The following ZMYM1 variants were observed in gnomAD, a reference collection of about 807,000 sequenced individuals.
ZMYM1 encodes the protein zinc finger MYM-type containing 1, also known as zinc finger MYM-type protein 1.
ZMYM1 carries 39 observed loss-of-function variants against 60.0 expected under a neutral mutation model. The ratio of observed to expected loss-of-function variants is 0.65; its 90% CI spans 0.50 to 0.85. The LOEUF (loss-of-function observed/expected upper bound fraction) is 0.85. ZMYM1 is among the 40% of genes least tolerant of loss of function. ZMYM1 has a pLI of 0.00. For synonymous variants in ZMYM1, 413 were observed against 454.0 expected (o/e 0.91, Z 1.15); for missense variants, 1,171 against 1,309.5 (o/e 0.89, Z 1.63).
chr1:35,115,439 A>AT lies in ZMYM1; in HGVS notation c.*185dup, dbSNP rs1644235480. On this transcript the variant is annotated 3_prime_UTR_variant, in exon 10 of 10. Coordinates refer to ENST00000359858, the MANE Select transcript of ZMYM1 (RefSeq NM_024772.5). ...TTTCCTTAAATATCCCTCTAGAGGT[A>AT]TTTTTCCTAAGTGGTATTGTACGGT... 2 of 642,900 alleles carry AT rather than the reference A, an allele frequency of 3.1e-6. No individual in the cohort carries two copies. The highest frequency in any genetic ancestry group is 4.9e-6 in the Non-Finnish European group (2 of 407,412). 39.8% of individuals were successfully genotyped at this position (642,900 alleles called of 1,614,324 possible).
At chr1:35,103,564 A>C (rs1643766059) in intron 4 of ZMYM1, among the ~76,000 whole-genome samples, 1 of 152,236 alleles carries the variant, frequency 6.6e-6, no homozygotes, top group Non-Finnish European at 1.5e-5. Flanking sequence ...CTTACTGATG[A>C]ACATTTGGGC....
Position 35,115,515 on chromosome 1 carries a change from T to A in ZMYM1, c.*256T>A. 1 of 238,448 alleles carries A rather than the reference T, an allele frequency of 4.2e-6. No homozygotes were observed. 14.8% of individuals were successfully genotyped at this position (238,448 alleles called of 1,614,324 possible). A position where few individuals can be genotyped will look rare whatever the true frequency, so the allele number is the denominator to read the frequency against. On this transcript the variant is annotated 3_prime_UTR_variant, in exon 10 of 10. Transcript: ENST00000359858. ...TCTGTGTAACATATTTTTGAGATTG[T>A]CCCATGTCGTTACATGAAGAGTTTC...
chr1:35,085,709 T>C (rs1180065987), intron 1 of ZMYM1, among the ~76,000 whole-genome samples: 1 of 152,212 alleles, frequency 6.6e-6, no homozygotes, highest in Non-Finnish European at 1.5e-5. Flanking sequence ...TTCTTGCCTT[T>C]GGTGTGGCAC....
intron 6 of ZMYM1, among the ~76,000 whole-genome samples, chr1:35,108,695 G>A (rs1474418744): frequency 1.3e-5 from 2 of 148,594 alleles, no homozygotes; most frequent in East Asian, 1.9e-4. Context: ...TTGTTCCATC[G>A]GTGATTTTTT....
intron 1 of ZMYM1, among the ~76,000 whole-genome samples, chr1:35,079,864 C>T (rs959640946): frequency 6.6e-6 from 1 of 152,218 alleles, no homozygotes; most frequent in African/African-American, 2.4e-5. Context: ...GTAATCCCGA[C>T]ACTTTGGGAG....
intron 1 of ZMYM1, among the ~76,000 whole-genome samples, chr1:35,092,060 G>A (rs1482397820): frequency 1.3e-5 from 2 of 151,302 alleles, no homozygotes; most frequent in African/African-American, 2.4e-5. Flanking sequence ...AGAGTAGCTG[G>A]GATTACAGGC....
chr1:35,075,002 A>G (rs1231146481), upstream of ZMYM1, among the ~76,000 whole-genome samples: 1 of 151,776 alleles, frequency 6.6e-6, no homozygotes, highest in East Asian at 2.0e-4. Flanking sequence ...CTGGGACTAC[A>G]GGCGCCCGTC....
chr1:35,066,094 T>TA (rs565073718), intron 1 of ZMYM1, among the ~76,000 whole-genome samples: 28 of 152,198 alleles, frequency 1.8e-4, no homozygotes, highest in South Asian at 1.2e-3. Context: ...AAGGAATCTA[T>TA]AAAAAAAACC....
At chr1:35,074,165 C>G (rs565303964) in intron 1 of ZMYM1, among the ~76,000 whole-genome samples, 11 of 152,276 alleles carry the variant, frequency 7.2e-5, no homozygotes, top group Middle Eastern at 3.4e-3. Flanking sequence ...TTACTTTCCA[C>G]ACATGTGTAA....
chr1:35,089,666 T>C (rs1247059750), intron 1 of ZMYM1, among the ~76,000 whole-genome samples: 1 of 151,662 alleles, frequency 6.6e-6, no homozygotes, highest in East Asian at 1.9e-4. Flanking sequence ...TTCTAAGTGA[T>C]CCTGTAACAA....
chr1:35,060,340 A>C (rs919965921), intron 1 of ZMYM1, among the ~76,000 whole-genome samples: 1 of 151,816 alleles, frequency 6.6e-6, no homozygotes, highest in Admixed American at 6.6e-5. Flanking sequence ...TTCTATTTTT[A>C]GTAGAGACGG....
chr1:35,086,402 T>C lies in ZMYM1; in HGVS notation c.-75+6960T>C, dbSNP rs7554778. The stretch of plus-strand genomic sequence containing the variant: ...TCACTGCAACCTCTGCCTCCCAGGT[T>C]CAGGTGATCCTCCTGCCTCAGCCTC... On this transcript the variant is annotated intron_variant, in intron 1 of 9. Transcript: ENST00000359858. Among the ~76,000 whole-genome samples the C allele has an allele frequency of 3.1e-3, 479 of 152,164 alleles. 6 individuals carry two copies. Among genetic ancestry groups the C allele is most frequent in the African/African-American group, 0.011 (447 of 41,514 alleles).
intron 8 of ZMYM1, 67 bp downstream of exon 8, chr1:35,111,979 T>C: frequency 6.4e-7 from 1 of 1,557,118 alleles, no homozygotes; most frequent in African/African-American, 1.4e-5. Flanking sequence ...TCTGTCTATA[T>C]GCTAAATTTT....
chr1:35,108,063 G>T (rs999619219), intron 6 of ZMYM1, among the ~76,000 whole-genome samples: 1 of 152,050 alleles, frequency 6.6e-6, no homozygotes, highest in African/African-American at 2.4e-5. Flanking sequence ...AGTGAGCCGA[G>T]ATCATACCAC....
chr1:35,061,439 AAGATAGATAGATAT>A (rs921211064), intron 1 of ZMYM1, among the ~76,000 whole-genome samples: 5 of 152,204 alleles, frequency 3.3e-5, no homozygotes, highest in African/African-American at 1.2e-4. Context: ...TCTGTCAATC[AAGATAGATAGATAT>A]AGATAGATAG....
At chr1:35,108,402 C>T (rs1186151123) in intron 6 of ZMYM1, among the ~76,000 whole-genome samples, 1 of 151,838 alleles carries the variant, frequency 6.6e-6, no homozygotes, top group Non-Finnish European at 1.5e-5. Context: ...CCCAGGCTGG[C>T]GTGCAATGGC....
At chr1:35,064,354 T>C (rs113891126) in intron 1 of ZMYM1, among the ~76,000 whole-genome samples, 3,294 of 146,688 alleles carry the variant, frequency 0.022, 152 homozygotes, top group African/African-American at 0.079. Flanking sequence ...TCCACAATTA[T>C]AGTTGGAAAC....
chr1:35,114,429 C>T lies in ZMYM1; in HGVS notation c.2599C>T (p.Arg867Ter), dbSNP rs1460490238. Residue 867 changes from arginine (R) to a stop codon, truncating the protein, a stop_gained, in exon 10 of 10, where the codon CGA becomes TGA. Transcript: ENST00000359858. LOFTEE classifies it high-confidence loss of function. ...EFVFCLKFLY[R>*]VLSVTGILSK... ...TGTCTTTTGTTTGAAATTCCTGTAT[C>T]GAGTGCTGAGTGTTACAGGAATTCT... 3 of 1,613,420 alleles carry T rather than the reference C, an allele frequency of 1.9e-6. No homozygotes were observed. Among genetic ancestry groups the T allele is most frequent in the Non-Finnish European group, 2.5e-6 (3 of 1,179,700 alleles).
chr1:35,081,897 A>G (rs370662184), intron 1 of ZMYM1, among the ~76,000 whole-genome samples: 12 of 152,086 alleles, frequency 7.9e-5, no homozygotes, highest in Non-Finnish European at 1.6e-4. Context: ...GGGTTTCACC[A>G]TGTTAGGCTG....
Sources: allele counts gnomAD v4.1 joint callset (sites outside exome capture counted in the v4.1 genomes callset), GRCh38; gene constraint gnomAD v4.1.1; transcripts MANE v1.5; gene names NCBI Gene and HGNC (gene_info 2026-07-23, HGNC 2026-07-21).